PYROXD1: variants seen among roughly 807,000 people sequenced by gnomAD.
The protein encoded by PYROXD1 is pyridine nucleotide-disulphide oxidoreductase domain 1.
In PYROXD1, 42 loss-of-function variants were observed where a neutral mutation model predicts 62.0. The ratio of observed to expected loss-of-function variants is 0.68; its 90% confidence interval spans 0.53 to 0.88. The LOEUF (loss-of-function observed/expected upper bound fraction) is 0.88, where lower values mean the gene tolerates loss of function less well. Ranked by LOEUF, PYROXD1 falls within the 40% of genes least tolerant of loss-of-function variation. PYROXD1 has a pLI of 0.00. For synonymous variants in PYROXD1, 170 were observed against 206.4 expected, an observed-to-expected ratio of 0.82 and a Z score of 1.51; for missense variants, 493 against 604.8, an observed-to-expected ratio of 0.82 and a Z score of 1.94.
At chr12:21,466,040 AC>A (rs1158337471) in intron 10 of PYROXD1, among the ~76,000 whole-genome samples, 3 of 152,092 alleles carry the variant, frequency 2.0e-5, no homozygotes, top group Non-Finnish European at 2.9e-5. Flanking sequence ...CTGTTTTGGT[AC>A]CAGTACCATG....
Position 21,449,640 on chromosome 12 carries a change from A to G in PYROXD1, c.363A>G (p.Ile121Met). The G allele has an allele frequency of 3.7e-6, 6 of 1,613,240 alleles. No homozygotes were observed. Among genetic ancestry groups the G allele is most frequent in the Non-Finnish European group, 5.1e-6 (6 of 1,179,332 alleles). ...CLCAGAKPKL[I>M]CEGNPYVLGI... ...GTGCTGGAGCTAAACCAAAGTTGATATGTGAAGGAAATCCTTATGTATTAG... is the reference window on the plus strand; with the variant it reads ...GTGCTGGAGCTAAACCAAAGTTGATGTGTGAAGGAAATCCTTATGTATTAG... Residue 121 changes from isoleucine to methionine, a missense_variant, in exon 4 of 12, where the codon ATA (isoleucine) becomes ATG (methionine). By Grantham distance (10) the Ile-to-Met change is conservative. Coordinates refer to ENST00000240651, the MANE Select transcript of PYROXD1 (RefSeq NM_024854.5).
At position 21,467,702 on chromosome 12, in the gene PYROXD1, A is replaced by T. The variant is rs1010738487; in HGVS notation, c.1254+84A>T. On this transcript the variant is annotated intron_variant, in intron 11 of 11. Coordinates refer to ENST00000240651, the MANE Select transcript of PYROXD1 (RefSeq NM_024854.5). Reference sequence around the variant, plus strand: ...ATCATGTGATTTTCTTGCTTGAATAAAAACGTACATAGTTTTAATCATCTA... The same window carrying T: ...ATCATGTGATTTTCTTGCTTGAATATAAACGTACATAGTTTTAATCATCTA... 6.1e-5 allele frequency: 65 copies of T among 1,072,448 alleles called. No individual in the cohort carries two copies. The African/African-American group carries it at 9.1e-4, about 15-fold the overall frequency. 66.4% of individuals were successfully genotyped at this position (1,072,448 alleles called of 1,614,324 possible). A position where few individuals can be genotyped will look rare whatever the true frequency, so the allele number is the denominator to read the frequency against.
intron 7 of PYROXD1, among the ~76,000 whole-genome samples, chr12:21,458,093 A>G (rs149707671): frequency 2.0e-5 from 3 of 152,142 alleles, no homozygotes; most frequent in Non-Finnish European, 4.4e-5. Flanking sequence ...TCTCCTCTAT[A>G]GTTGTGAAGG....
chr12:21,453,620 A>C (rs1031950977), intron 5 of PYROXD1, among the ~76,000 whole-genome samples: 3 of 152,138 alleles, frequency 2.0e-5, no homozygotes, highest in Non-Finnish European at 4.4e-5. Flanking sequence ...TCAAAATGAA[A>C]GCAGTATTTC....
intron 3 of PYROXD1, among the ~76,000 whole-genome samples, chr12:21,446,218 T>C (rs928598940): frequency 5.3e-5 from 8 of 151,948 alleles, no homozygotes; most frequent in Non-Finnish European, 8.8e-5. Context: ...GGTCAGGAGA[T>C]TGAGACCATC....
intron 7 of PYROXD1, among the ~76,000 whole-genome samples, chr12:21,460,629 G>A (rs932591613): frequency 6.6e-6 from 1 of 151,952 alleles, no homozygotes; most frequent in Admixed American, 6.6e-5. Context: ...CACCATATAG[G>A]CCAGGCTAGT....
At chr12:21,455,963 A>AATTTTTATATT in intron 6 of PYROXD1, 32 bp from the exon 7 acceptor site, 1 of 1,388,644 alleles carries the variant, frequency 7.2e-7, no homozygotes, top group South Asian at 1.2e-5. Flanking sequence ...TCTATCTGGT[A>AATTTTTATATT]ATTTTTATAT....
chr12:21,439,880 A>G (rs913007436), intron 1 of PYROXD1, among the ~76,000 whole-genome samples: 1 of 152,228 alleles, frequency 6.6e-6, no homozygotes, highest in Admixed American at 6.5e-5. Context: ...ACTGACTGGA[A>G]GAGGCAGAAT....
intron 7 of PYROXD1, among the ~76,000 whole-genome samples, chr12:21,460,653 C>G (rs1412023162): frequency 1.3e-5 from 2 of 152,152 alleles, no homozygotes; most frequent in East Asian, 3.9e-4. Context: ...GAACTCCTGA[C>G]CTCAGGTGAT....
chr12:21,441,329 G>C (rs1942290175), intron 2 of PYROXD1: 1 of 152,132 alleles, frequency 6.6e-6, no homozygotes, highest in Non-Finnish European at 1.5e-5. Flanking sequence ...AGCCTGGAAA[G>C]TTTTCTGTTG....
intron 2 of PYROXD1, among the ~76,000 whole-genome samples, chr12:21,444,288 C>T (rs1301311061): frequency 6.6e-6 from 1 of 152,172 alleles, no homozygotes; most frequent in South Asian, 2.1e-4. Flanking sequence ...TAGGAAATGG[C>T]ATTATCTTTA....
rs199612904 is a variant in PYROXD1, at chr12:21,462,117, C to T, written c.990C>T (p.Asn330=). The change falls in exon 9 of 12, where the codon AAC becomes AAT. Residue 330 remains asparagine (N), a synonymous_variant. Coordinates refer to ENST00000240651, the MANE Select transcript of PYROXD1 (RefSeq NM_024854.5). ...TPNVEPFLHG[N]SFDLGEDGGL... Reference sequence around the variant, plus strand: ...ATGTAGAACCTTTTCTCCATGGTAACAGTGTAAGGTGAAATTTTTTTGTCC... The same window carrying T: ...ATGTAGAACCTTTTCTCCATGGTAATAGTGTAAGGTGAAATTTTTTTGTCC... The T allele has an allele frequency of 4.1e-5, 66 of 1,594,164 alleles. No homozygotes were observed. In the East Asian group the frequency reaches 1.5e-3, roughly 35 times the overall value.
chr12:21,440,083 T>C (rs1379507016), intron 1 of PYROXD1, among the ~76,000 whole-genome samples: 1 of 152,182 alleles, frequency 6.6e-6, no homozygotes, highest in African/African-American at 2.4e-5. Flanking sequence ...GTATAAAAAA[T>C]AGTTGAAGTA....
intron 4 of PYROXD1, 58 bp from the exon 5 acceptor site, chr12:21,452,023 T>G: frequency 1.0e-6 from 1 of 1,004,234 alleles, no homozygotes; most frequent in Non-Finnish European, 1.5e-6. Context: ...AAGCCTCATA[T>G]TTCAGATTAT....
chr12:21,449,727 A>G (rs1323414868), intron 4 of PYROXD1, 36 bp downstream of exon 4: 2 of 1,559,456 alleles, frequency 1.3e-6, no homozygotes, highest in East Asian at 4.6e-5. Flanking sequence ...GAAGGAAAAT[A>G]AAAGAATTTT....
At chr12:21,456,385 A>G (rs1485548533) in intron 7 of PYROXD1, among the ~76,000 whole-genome samples, 1 of 152,154 alleles carries the variant, frequency 6.6e-6, no homozygotes, top group African/African-American at 2.4e-5. Context: ...GTCCCAGACC[A>G]TCACAGGAAA....
chr12:21,447,963 A>G (rs144404606), intron 3 of PYROXD1: 10,645 of 279,104 alleles, frequency 0.038, 301 homozygotes, highest in Middle Eastern at 0.079. Flanking sequence ...AGCCTGGGCG[A>G]CAGAGCGAGA....
At chr12:21,463,802 C>G (rs1190657068) in intron 10 of PYROXD1, among the ~76,000 whole-genome samples, 1 of 151,946 alleles carries the variant, frequency 6.6e-6, no homozygotes, top group Admixed American at 6.6e-5. Flanking sequence ...CTCCTCCTAA[C>G]GGTGGAACAA....
intron 3 of PYROXD1, among the ~76,000 whole-genome samples, chr12:21,446,162 G>A (rs908935503): frequency 3.9e-5 from 6 of 152,288 alleles, no homozygotes; most frequent in African/African-American, 9.6e-5. Flanking sequence ...GTTGGCTCAC[G>A]CCTGTAATCC....
Sources: allele counts gnomAD v4.1 joint callset (sites outside exome capture counted in the v4.1 genomes callset), GRCh38; gene constraint gnomAD v4.1.1; transcripts MANE v1.5; gene names NCBI Gene and HGNC (gene_info 2026-07-23, HGNC 2026-07-21).